The following SUPT20H variants were observed in gnomAD, a reference collection of about 807,000 sequenced individuals.
SUPT20H encodes the protein SPT20 homolog, SAGA complex component, also known as transcription factor SPT20 homolog.
Under a neutral mutation model 122.8 loss-of-function variants are expected in SUPT20H, and 82 were observed. That is an observed-to-expected ratio of 0.67 (90% CI 0.56 to 0.80). The LOEUF (loss-of-function observed/expected upper bound fraction) is 0.80. SUPT20H is among the 30% of genes least tolerant of loss of function. The pLI, the probability that SUPT20H is intolerant of heterozygous loss-of-function variation, is 0.00. For synonymous variants in SUPT20H, 291 were observed against 313.0 expected, an observed-to-expected ratio of 0.93 and a Z score of 0.74; for missense variants, 831 against 921.6, an observed-to-expected ratio of 0.90 and a Z score of 1.27.
chr13:37,028,268 C>T lies in SUPT20H; in HGVS notation c.1031G>A (p.Gly344Asp). ...KDDYVFECEA[G>D]TQYQKTKLTI... ...CAGCTTTGTTTTCTGATACTGAGTA[C>T]CAGCTTCACATTCAAATACATAATC... The change falls in exon 14 of 26, where the codon GGT becomes GAT. Residue 344 changes from glycine to aspartate, a missense_variant. Physicochemically the swap from Gly to Asp is moderately conservative, Grantham distance 94. Transcript: ENST00000350612. 1 of 1,612,782 alleles carries T rather than the reference C, an allele frequency of 6.2e-7. No individual in the cohort carries two copies. Among genetic ancestry groups the T allele is most frequent in the Non-Finnish European group, 8.5e-7 (1 of 1,179,514 alleles).
Position 37,012,289 on chromosome 13 carries a change from C to T in SUPT20H, c.2001G>A (p.Glu667=). 3.7e-6 allele frequency: 6 copies of T among 1,611,048 alleles called. No individual in the cohort carries two copies. Among genetic ancestry groups the T allele is most frequent in the Non-Finnish European group, 4.2e-6 (5 of 1,178,366 alleles). The part of the protein sequence containing the change: ...SPQQPGEQGS[E]QGSTSQEQAL... The stretch of plus-strand genomic sequence containing the variant: ...CCTGTTCTTGACTGGTTGAACCTTG[C>T]TCAGAACCCTGAATAAAAAAATAAT... Residue 667 remains glutamate, a synonymous_variant, in exon 24 of 26, where the codon GAG becomes GAA. Coordinates refer to ENST00000350612, the MANE Select transcript of SUPT20H (RefSeq NM_001014286.3).
intron 21 of SUPT20H, among the ~76,000 whole-genome samples, chr13:37,021,242 T>C (rs570399446): frequency 7.0e-4 from 107 of 152,352 alleles, no homozygotes; most frequent in African/African-American, 2.5e-3. Flanking sequence ...CTCACAGGCT[T>C]ACCAAGTTTT....
At chr13:37,041,216 T>A (rs1015147095) in intron 7 of SUPT20H, among the ~76,000 whole-genome samples, 1 of 152,186 alleles carries the variant, frequency 6.6e-6, no homozygotes, top group African/African-American at 2.4e-5. Context: ...AATATAAAAT[T>A]CAAATGAAAA....
Position 37,026,215 on chromosome 13 carries a change from G to C in SUPT20H, c.1200C>G (p.Thr400=). The C allele has an allele frequency of 6.5e-7, 1 of 1,541,726 alleles. No homozygotes were observed. Among genetic ancestry groups the C allele is most frequent in the Non-Finnish European group, 8.7e-7 (1 of 1,153,888 alleles). ...GCAAATATTTTTACCTCTCAGCATC[G>C]GTCTTTGATCCAATAATGAACCTAA... ...HSNWFIIGSK[T]DAERVVNQYQ... Residue 400 remains threonine (T), a synonymous_variant, in exon 16 of 26, where the codon ACC becomes ACG. Transcript: ENST00000350612.
rs560124637 is a variant in SUPT20H, at chr13:37,037,872, T to A, written c.567+2533A>T. 3.3e-5 allele frequency among the ~76,000 whole-genome samples: 5 copies of A among 152,356 alleles called. No individual in the cohort carries two copies. The East Asian group carries it at 9.6e-4, about 29-fold the overall frequency. On this transcript the variant is annotated intron_variant, in intron 9 of 25. Coordinates refer to ENST00000350612, the MANE Select transcript of SUPT20H (RefSeq NM_001014286.3). ...TTTAAAAAAGTGAATCAATTAATAATATTGCTAAATAAGAATTTGTTAGAA... is the reference window on the plus strand; with the variant it reads ...TTTAAAAAAGTGAATCAATTAATAAAATTGCTAAATAAGAATTTGTTAGAA...
Position 37,022,246 on chromosome 13 carries a change from T to A in SUPT20H, c.1592-166A>T. ...GCTGAAGGGGTACTAGGAGTTGAGC[T>A]CTGAGCATCAGGAGGGTGTGGGGTC... On this transcript the variant is annotated intron_variant, in intron 19 of 25. Transcript: ENST00000350612. This position sits in a 1 kb window ranked among gnomAD's most constrained non-coding sequence, Gnocchi z 4.5. 6.5e-7 allele frequency: 1 copy of A among 1,546,464 alleles called. No individual in the cohort carries two copies. The highest frequency in any genetic ancestry group is 8.7e-7 in the Non-Finnish European group (1 of 1,144,778).
intron 19 of SUPT20H, 95 bp downstream of exon 19, chr13:37,023,940 G>T: frequency 7.5e-7 from 1 of 1,337,102 alleles, no homozygotes; most frequent in Non-Finnish European, 1.0e-6. Flanking sequence ...AGTACATTCA[G>T]ATATCACTAC....
intron 5 of SUPT20H, chr13:37,046,958 A>C (rs1292267553): frequency 6.6e-6 from 1 of 152,196 alleles, no homozygotes; most frequent in African/African-American, 2.4e-5. Flanking sequence ...AAAAGCTCAT[A>C]GAGACGTTTA....
Position 37,017,291 on chromosome 13 carries a change from T to G in SUPT20H, c.1946A>C (p.Gln649Pro). Residue 649 changes from glutamine (Q) to proline (P), a missense_variant, in exon 23 of 26, where the codon CAA becomes CCA. Transcript: ENST00000350612. Reference protein sequence around the residue: ...QQQLSQFTPQQPQQPTTCSPQ... With the variant: ...QQQLSQFTPQPPQQPTTCSPQ... ...ACTACAAGTTGTGGGCTGCTGAGGT[T>G]GTTGTGGTGTAAACTGGGAGAGCTG... The G allele has an allele frequency of 1.2e-6, 2 of 1,613,986 alleles. No individual in the cohort carries two copies. Among genetic ancestry groups the G allele is most frequent in the South Asian group, 1.1e-5 (1 of 91,074 alleles).
At chr13:37,053,894 G>A (rs1160000726) in intron 1 of SUPT20H, among the ~76,000 whole-genome samples, 3 of 151,946 alleles carry the variant, frequency 2.0e-5, no homozygotes, top group Non-Finnish European at 4.4e-5. Flanking sequence ...GAAGAAAAGA[G>A]AGAAGAATCA....
intron 13 of SUPT20H, 27 bp from the exon 14 acceptor site, chr13:37,028,332 A>C: frequency 6.3e-7 from 1 of 1,592,086 alleles, no homozygotes; most frequent in Non-Finnish European, 8.5e-7. Context: ...ACCTCAAATA[A>C]ATACCTTCAC....
intron 13 of SUPT20H, among the ~76,000 whole-genome samples, chr13:37,029,511 G>A (rs930167383): frequency 3.3e-5 from 5 of 151,564 alleles, no homozygotes; most frequent in African/African-American, 1.2e-4. Context: ...GGCGATAAGA[G>A]CCAAACTCCA....
intron 7 of SUPT20H, among the ~76,000 whole-genome samples, chr13:37,043,008 A>G (rs1005315309): frequency 3.3e-5 from 5 of 152,242 alleles, no homozygotes; most frequent in Admixed American, 6.5e-5. Context: ...TTTAAGTGTC[A>G]GTCAGTGCTC....
intron 1 of SUPT20H, chr13:37,057,198 G>C (rs1019709746): frequency 2.6e-5 from 4 of 152,050 alleles, no homozygotes; most frequent in Non-Finnish European, 4.4e-5. Context: ...GGTAGGCTGA[G>C]GCAGGAGGAT....
At chr13:37,024,011 T>C (rs1417166843) in intron 19 of SUPT20H, 24 bp downstream of exon 19, 1 of 1,584,968 alleles carries the variant, frequency 6.3e-7, no homozygotes, top group Non-Finnish European at 8.6e-7. Flanking sequence ...GAAGATTTAA[T>C]GAAGAATTTA....
intron 13 of SUPT20H, among the ~76,000 whole-genome samples, chr13:37,029,318 C>T (rs180727872): frequency 1.5e-3 from 226 of 152,214 alleles, no homozygotes; most frequent in African/African-American, 5.1e-3. Flanking sequence ...CACCTGAGAT[C>T]GGGAGTTCGA....
intron 2 of SUPT20H, among the ~76,000 whole-genome samples, chr13:37,048,914 CA>C (rs1360682213): frequency 1.3e-5 from 2 of 149,086 alleles, no homozygotes; most frequent in Non-Finnish European, 3.0e-5. Context: ...GAGCACCATT[CA>C]AAAAAATATA....
chr13:37,015,183 A>C (rs989567264), intron 23 of SUPT20H, among the ~76,000 whole-genome samples: 2 of 151,944 alleles, frequency 1.3e-5, no homozygotes, highest in African/African-American at 2.4e-5. Context: ...AAAAAAAAAA[A>C]AACTTCTGTG....
Position 37,009,821 on chromosome 13 carries a change from A to C in SUPT20H, c.2203-12T>G, listed in dbSNP as rs200334194. ...AAGAATCGCAACTGCTGCAAAAGGG[A>C]GGGAAAAAAATCGAGTTATGTTAAA... On this transcript the variant is annotated splice_polypyrimidine_tract_variant and intron_variant, in intron 25 of 25. Transcript: ENST00000350612. 1 of 1,604,226 alleles carries C rather than the reference A, an allele frequency of 6.2e-7. No individual in the cohort carries two copies. Among genetic ancestry groups the C allele is most frequent in the Admixed American group, 1.8e-5 (1 of 57,040 alleles).
Sources: allele counts gnomAD v4.1 joint callset (sites outside exome capture counted in the v4.1 genomes callset), GRCh38; gene constraint gnomAD v4.1.1; non-coding constraint Gnocchi (gnomAD v3.1); transcripts MANE v1.5; gene names NCBI Gene and HGNC (gene_info 2026-07-23, HGNC 2026-07-21).